TMEM74: variants seen among roughly 807,000 people sequenced by gnomAD.
TMEM74 encodes the protein transmembrane protein 74.
A neutral mutation model predicts 18.1 loss-of-function variants in TMEM74; 13 were observed. The ratio of observed to expected loss-of-function variants is 0.72; its 90% CI spans 0.47 to 1.14. The LOEUF (loss-of-function observed/expected upper bound fraction) is 1.14, where lower values mean the gene tolerates loss of function less well. TMEM74 is among the 50% of genes most tolerant of loss of function. The probability of loss-of-function intolerance (pLI) is 0.00; values close to 1 mark genes in which losing one functional copy is unlikely to be tolerated. For synonymous variants in TMEM74, 159 were observed against 146.6 expected (o/e 1.08, Z -0.61); for missense variants, 372 against 375.9 (o/e 0.99, Z 0.09).
At chr8:108,666,451 G>A (rs1432371507) in intron 1 of TMEM74, among the ~76,000 whole-genome samples, 2 of 152,114 alleles carry the variant, frequency 1.3e-5, no homozygotes, top group African/African-American at 2.4e-5. Flanking sequence ...ATTAGTTTTG[G>A]TTCCCCACCA....
chr8:108,772,749 T>G (rs1363336418), intron 1 of TMEM74, among the ~76,000 whole-genome samples: 1 of 152,146 alleles, frequency 6.6e-6, no homozygotes, highest in Admixed American at 6.5e-5. Context: ...TTGGTAACTT[T>G]AACCTCAAGC....
chr8:108,735,513 C>T (rs1203473157), intron 1 of TMEM74, among the ~76,000 whole-genome samples: 2 of 152,134 alleles, frequency 1.3e-5, no homozygotes, highest in Non-Finnish European at 2.9e-5. Flanking sequence ...TTTGAAGGTT[C>T]CTGCATGTTG....
At chr8:108,671,291 A>G (rs1813002343) in intron 1 of TMEM74, among the ~76,000 whole-genome samples, 1 of 152,156 alleles carries the variant, frequency 6.6e-6, no homozygotes, top group Non-Finnish European at 1.5e-5. Flanking sequence ...AAGCTCCCAC[A>G]ATATCTTGGT....
At chr8:108,785,999 C>T (rs1196920736) in intron 1 of TMEM74, among the ~76,000 whole-genome samples, 1 of 152,204 alleles carries the variant, frequency 6.6e-6, no homozygotes, top group Non-Finnish European at 1.5e-5. Context: ...ATCTGCTACT[C>T]CCGTTCCCTG....
At chr8:108,689,109 C>CGT (rs1343125888) in intron 1 of TMEM74, among the ~76,000 whole-genome samples, 2 of 152,222 alleles carry the variant, frequency 1.3e-5, no homozygotes, top group African/African-American at 4.8e-5. Context: ...TCCCAGAACA[C>CGT]TGTAAATTTG....
rs139123399 is a variant in TMEM74, at chr8:108,784,508, G to A, written c.591C>T (p.Ile197=). 29 of 1,614,048 alleles carry A rather than the reference G, an allele frequency of 1.8e-5. No homozygotes were observed. The African/African-American group carries it at 2.3e-4, about 13-fold the overall frequency. Residue 197 remains isoleucine, a synonymous_variant, in exon 2 of 2, where the codon ATC becomes ATT. Coordinates refer to ENST00000297459, the MANE Select transcript of TMEM74 (RefSeq NM_153015.3). ...TGILLVIISY[I]VPREVTVDPN... is the part of the protein sequence containing the mutation. ...GGTCCACAGTCACTTCCCGTGGGAC[G>A]ATGTAAGAGATGATCACGAGCAGGA...
intron 1 of TMEM74, among the ~76,000 whole-genome samples, chr8:108,754,651 G>GTAGGTAGGTAGCTAGGTAGCTAGGTAGC (rs1563543102): frequency 7.4e-6 from 1 of 134,624 alleles, no homozygotes. Flanking sequence ...AGGTAGGTAG[G>GTAGGTAGGTAGCTAGGTAGCTAGGTAGC]TAGGTAGGTA....
intron 1 of TMEM74, among the ~76,000 whole-genome samples, chr8:108,736,766 T>C (rs1813753348): frequency 6.6e-6 from 1 of 152,132 alleles, no homozygotes; most frequent in Admixed American, 6.6e-5. Context: ...CTATTTACCA[T>C]ATACACAGTT....
chr8:108,778,566 C>T (rs964520350), downstream of TMEM74, among the ~76,000 whole-genome samples: 3 of 152,138 alleles, frequency 2.0e-5, no homozygotes, highest in South Asian at 2.1e-4. Context: ...AATCTTGATC[C>T]AATTTTTATT....
In TMEM74 at chr8:108,666,709, G is replaced by A. The variant is rs533485385; in HGVS notation, n.120-11272C>T. ...ATACAGACTTTACAAGACATAATGT[G>A]GTCACATCCCATCTCTTGGCCCAGA... On this transcript the variant is annotated intron_variant and non_coding_transcript_variant, in intron 1 of 3. Coordinates refer to the TMEM74 transcript ENST00000518838. 7.1e-4 allele frequency among the ~76,000 whole-genome samples: 108 copies of A among 152,184 alleles called. 1 individual carries two copies. The Middle Eastern group carries it at 0.01, about 14-fold the overall frequency.
chr8:108,785,772 A>G lies in TMEM74; in HGVS notation c.-39-635T>C, dbSNP rs550673971. Among the ~76,000 whole-genome samples, 30 of 152,294 alleles carry G rather than the reference A, an allele frequency of 2.0e-4. 1 individual carries two copies. Among genetic ancestry groups the G allele is most frequent in the Admixed American group, 1.2e-3 (18 of 15,302 alleles). On this transcript the variant is annotated intron_variant, in intron 1 of 1. Transcript: ENST00000297459. ...GCCACCTCTGCTAAGCTTACACCTC[A>G]TACATCCAATGACCCTAGTGACACA...
chr8:108,745,972 C>T (rs1297708006), intron 1 of TMEM74, among the ~76,000 whole-genome samples: 3 of 152,108 alleles, frequency 2.0e-5, no homozygotes, highest in African/African-American at 7.2e-5. Context: ...CCCTCTCACA[C>T]GCACCCCCTT....
At chr8:108,659,727 T>C (rs1056807941) in intron 1 of TMEM74, among the ~76,000 whole-genome samples, 2 of 152,142 alleles carry the variant, frequency 1.3e-5, no homozygotes, top group Admixed American at 6.6e-5. Flanking sequence ...CTCCAACCTG[T>C]GTTGCCCAGA....
chr8:108,610,738 G>A (rs2130532993), intron 2 of TMEM74, among the ~76,000 whole-genome samples: 1 of 152,296 alleles, frequency 6.6e-6, no homozygotes, highest in South Asian at 2.1e-4. Flanking sequence ...AAGAGCAGAG[G>A]ACAGCAGGTA....
At chr8:108,614,096 A>AT (rs760804089) in intron 2 of TMEM74, among the ~76,000 whole-genome samples, 1 of 151,186 alleles carries the variant, frequency 6.6e-6, no homozygotes, top group Admixed American at 6.6e-5. Flanking sequence ...ATAATCTTTA[A>AT]TAAGACAATT....
At chr8:108,717,609 G>A (rs1314741234) in intron 1 of TMEM74, among the ~76,000 whole-genome samples, 2 of 152,158 alleles carry the variant, frequency 1.3e-5, no homozygotes, top group African/African-American at 2.4e-5. Flanking sequence ...GGATGGGAGA[G>A]TGAGTTGCAA....
intron 1 of TMEM74, among the ~76,000 whole-genome samples, chr8:108,766,876 T>A (rs1814114267): frequency 6.6e-6 from 1 of 152,098 alleles, no homozygotes; most frequent in Admixed American, 6.5e-5. Flanking sequence ...CTGAAGAAGT[T>A]GGAGTGTGAT....
chr8:108,637,857 T>A (rs1812622804), intron 2 of TMEM74, among the ~76,000 whole-genome samples: 1 of 152,156 alleles, frequency 6.6e-6, no homozygotes, highest in Non-Finnish European at 1.5e-5. Context: ...TAATGACAAG[T>A]CTTTAGCCAA....
At chr8:108,698,747 GA>G (rs1171415946) in intron 1 of TMEM74, among the ~76,000 whole-genome samples, 1 of 152,094 alleles carries the variant, frequency 6.6e-6, no homozygotes, top group Non-Finnish European at 1.5e-5. Flanking sequence ...TGCTGCAAAG[GA>G]AGAAAATATT....
Sources: gnomAD v4.1 joint callset for allele counts (sites outside exome capture counted in the v4.1 genomes callset) on GRCh38, gnomAD v4.1.1 for gene constraint, MANE v1.5 for transcripts, NCBI Gene and HGNC (gene_info 2026-07-23, HGNC 2026-07-21) for gene names.